Variants in SLC38A9 observed in about 807,000 individuals in gnomAD.
SLC38A9 encodes neutral amino acid transporter 9.
In SLC38A9, 48 loss-of-function variants were observed where a neutral mutation model predicts 62.3. The observed-to-expected ratio is 0.77, with a 90% CI of 0.61 to 0.98. The LOEUF (loss-of-function observed/expected upper bound fraction) is 0.98. Ranked by LOEUF, SLC38A9 falls within the 50% of genes least tolerant of loss-of-function variation. SLC38A9 has a pLI of 0.00. For synonymous variants in SLC38A9, 204 were observed against 227.7 expected (o/e 0.90, Z 0.94); for missense variants, 541 against 679.8 (o/e 0.80, Z 2.27).
At chr5:55,659,322 C>T (rs992332648) in intron 8 of SLC38A9, among the ~76,000 whole-genome samples, 12 of 147,354 alleles carry the variant, frequency 8.1e-5, no homozygotes, top group Admixed American at 2.7e-4. Context: ...TAATTACATA[C>T]GTATATAAAT....
chr5:55,700,437 A>G (rs1483181374), intron 2 of SLC38A9, among the ~76,000 whole-genome samples: 1 of 152,126 alleles, frequency 6.6e-6, no homozygotes, highest in African/African-American at 2.4e-5. Context: ...TAAAATGTCC[A>G]AAGGTCCTTA....
intron 9 of SLC38A9, among the ~76,000 whole-genome samples, chr5:55,654,588 A>G (rs1473113959): frequency 6.6e-6 from 1 of 151,936 alleles, no homozygotes; most frequent in Non-Finnish European, 1.5e-5. Flanking sequence ...CCTAGGCAGC[A>G]GAGAGAGATC....
chr5:55,681,848 T>C (rs1753059277), intron 3 of SLC38A9, among the ~76,000 whole-genome samples: 1 of 152,162 alleles, frequency 6.6e-6, no homozygotes, highest in East Asian at 1.9e-4. Context: ...AAATGTCCTG[T>C]TTTTGTAAAT....
intron 8 of SLC38A9, among the ~76,000 whole-genome samples, chr5:55,657,211 T>C (rs66476535): frequency 0.039 from 5,953 of 152,268 alleles, 157 homozygotes; most frequent in African/African-American, 0.082. Context: ...ACTGTTAACA[T>C]AGCTTCACCT....
At chr5:55,645,259 T>C (rs1249151121) in intron 12 of SLC38A9, among the ~76,000 whole-genome samples, 1 of 152,172 alleles carries the variant, frequency 6.6e-6, no homozygotes, top group African/African-American at 2.4e-5. Context: ...CTAACCATGT[T>C]GCCCAGGCTG....
intron 3 of SLC38A9, among the ~76,000 whole-genome samples, chr5:55,678,649 T>TG (rs1752561258): frequency 4.1e-5 from 1 of 24,344 alleles, no homozygotes; most frequent in Non-Finnish European, 1.0e-4. Context: ...AATGAACTTT[T>TG]TTTTTTTTTT....
intron 2 of SLC38A9, among the ~76,000 whole-genome samples, chr5:55,700,975 G>T (rs1390173688): frequency 6.6e-6 from 1 of 152,100 alleles, no homozygotes; most frequent in Non-Finnish European, 1.5e-5. Context: ...GTAATCTTAT[G>T]CAGTCTTATG....
At chr5:55,643,112 A>G (rs1208284436) in intron 12 of SLC38A9, among the ~76,000 whole-genome samples, 4 of 152,224 alleles carry the variant, frequency 2.6e-5, no homozygotes, top group African/African-American at 9.6e-5. Context: ...GTAACTGGTT[A>G]ACTTTTGTTT....
rs115639483 is a variant in SLC38A9 at position 55,708,808 on chromosome 5, C to T, written c.-35+2644G>A. Among the ~76,000 whole-genome samples, 503 of 152,250 alleles carry T rather than the reference C, an allele frequency of 3.3e-3. 3 individuals carry two copies. Among genetic ancestry groups the T allele is most frequent in the African/African-American group, 0.01 (423 of 41,530 alleles). ...ATATAGTTTCTGCAGCTACTCAATTCTACCTGTTAGCATGAAAGGCAATTG... is the reference window on the plus strand; with the variant it reads ...ATATAGTTTCTGCAGCTACTCAATTTTACCTGTTAGCATGAAAGGCAATTG... On this transcript the variant is annotated intron_variant, in intron 2 of 15. Coordinates refer to ENST00000396865, the MANE Select transcript of SLC38A9 (RefSeq NM_173514.4).
At chr5:55,677,924 T>G (rs1561395535) in intron 3 of SLC38A9, among the ~76,000 whole-genome samples, 3 of 115,716 alleles carry the variant, frequency 2.6e-5, no homozygotes, top group Non-Finnish European at 5.1e-5. Flanking sequence ...TTTTTTTCTT[T>G]ATTGTGTGTG....
chr5:55,640,200 G>C (rs1745219926), intron 12 of SLC38A9, among the ~76,000 whole-genome samples: 5 of 151,792 alleles, frequency 3.3e-5, no homozygotes, highest in Admixed American at 2.6e-4. Context: ...TGGCCAGGCT[G>C]GTCTCAAACT....
At chr5:55,690,143 A>G (rs1754514955) in intron 3 of SLC38A9, among the ~76,000 whole-genome samples, 1 of 151,992 alleles carries the variant, frequency 6.6e-6, no homozygotes, top group African/African-American at 2.4e-5. Flanking sequence ...TTGTATTTAG[A>G]TTTTTTTTGC....
At chr5:55,710,067 C>CAAAAAAAAAAAAAAAAA (rs1174162436) in intron 2 of SLC38A9, among the ~76,000 whole-genome samples, 28 of 20,632 alleles carry the variant, frequency 1.4e-3, no homozygotes, top group Non-Finnish European at 1.6e-3. Flanking sequence ...GACTCCATCT[C>CAAAAAAAAAAAAAAAAA]AAAAAAAAAA....
At chr5:55,675,500 T>C in intron 3 of SLC38A9, among the ~76,000 whole-genome samples, 1 of 152,190 alleles carries the variant, frequency 6.6e-6, no homozygotes, top group African/African-American at 2.4e-5. Flanking sequence ...GAAAACACTT[T>C]TAAAATTAAA....
At chr5:55,635,724 A>C (rs2150063218) in intron 12 of SLC38A9, 67 bp from the exon 13 acceptor site, 2 of 964,354 alleles carry the variant, frequency 2.1e-6, no homozygotes, top group East Asian at 4.9e-5. Flanking sequence ...TTAATAGGCT[A>C]AGGAGACTAA....
intron 14 of SLC38A9, among the ~76,000 whole-genome samples, chr5:55,632,527 C>T (rs1743666119): frequency 6.6e-6 from 1 of 152,096 alleles, no homozygotes; most frequent in African/African-American, 2.4e-5. Context: ...GAAAACCATA[C>T]CCTAAAATGA....
rs756594122 is a variant in SLC38A9, at chr5:55,669,324, G to A, written c.433-3C>T. 6.2e-7 allele frequency: 1 copy of A among 1,607,284 alleles called. No individual in the cohort carries two copies. Among genetic ancestry groups the A allele is most frequent in the Admixed American group, 1.7e-5 (1 of 58,918 alleles). On this transcript the variant is annotated splice_region_variant and splice_polypyrimidine_tract_variant and intron_variant, in intron 6 of 15. Coordinates refer to ENST00000396865, the MANE Select transcript of SLC38A9 (RefSeq NM_173514.4). ...CACATTCCAGTAGTAAATCCAGCCT[G>A]TTTAAAAATAAAAGTATAAAACAGC...
At chr5:55,652,384 A>AAAAC in intron 10 of SLC38A9, 145 bp downstream of exon 10, 1 of 435,038 alleles carries the variant, frequency 2.3e-6, no homozygotes, top group Non-Finnish European at 3.9e-6. Context: ...AAAAGAAAGA[A>AAAAC]AGAAAGAACA....
In SLC38A9 at chr5:55,658,600, G is replaced by A. The variant is rs184790313; in HGVS notation, c.698-1826C>T. On this transcript the variant is annotated intron_variant, in intron 8 of 15. Coordinates refer to ENST00000396865, the MANE Select transcript of SLC38A9 (RefSeq NM_173514.4). Reference sequence around the variant, plus strand: ...ACCAACAAAGGTTAGGAAGAGGCAAGGAAGGATTCTTCCTTAGAGCCTTAG... The same window carrying A: ...ACCAACAAAGGTTAGGAAGAGGCAAAGAAGGATTCTTCCTTAGAGCCTTAG... Among the ~76,000 whole-genome samples the A allele has an allele frequency of 1.4e-4, 21 of 152,318 alleles. No homozygotes were observed. In the East Asian group the frequency reaches 1.7e-3, roughly 13 times the overall value.
Sources: allele counts gnomAD v4.1 joint callset (sites outside exome capture counted in the v4.1 genomes callset), GRCh38; gene constraint gnomAD v4.1.1; transcripts MANE v1.5; gene names NCBI Gene and HGNC (gene_info 2026-07-23, HGNC 2026-07-21).